CTDSPL: variants seen among roughly 807,000 people sequenced by gnomAD.
CTDSPL encodes CTD small phosphatase-like protein.
A neutral mutation model predicts 30.5 loss-of-function variants in CTDSPL; 8 were observed. The observed-to-expected ratio is 0.26, with a 90% CI of 0.15 to 0.47. CTDSPL has a LOEUF of 0.47. Among genes scored for constraint, CTDSPL ranks in the 20% least tolerant of loss-of-function variants. CTDSPL has a pLI of 0.99. For missense variants in CTDSPL, 248 were observed against 366.1 expected (o/e 0.68, Z 2.63); for synonymous variants, 110 against 137.9 (o/e 0.80, Z 1.42).
rs144426042 is a variant in CTDSPL at position 37,898,352 on chromosome 3, G to T, written c.79+36074G>T. On this transcript the variant is annotated intron_variant, in intron 1 of 7. Coordinates refer to ENST00000273179, the MANE Select transcript of CTDSPL (RefSeq NM_001008392.2). ...CATTTTAAGAATACTGTACTGAAAT[G>T]TATGCTTTCTGGCTGTTAGCAGACA... 1.9e-3 allele frequency among the ~76,000 whole-genome samples: 291 copies of T among 152,318 alleles called. 2 individuals are homozygous for T. Among genetic ancestry groups the T allele is most frequent in the African/African-American group, 6.6e-3 (276 of 41,578 alleles).
chr3:37,905,799 T>C (rs1175757103), intron 1 of CTDSPL, among the ~76,000 whole-genome samples: 1 of 152,230 alleles, frequency 6.6e-6, no homozygotes, highest in Non-Finnish European at 1.5e-5. Flanking sequence ...CATGGAGAAG[T>C]AGCTTTGGAA....
intron 1 of CTDSPL, among the ~76,000 whole-genome samples, chr3:37,929,901 A>G (rs936664947): frequency 6.6e-6 from 1 of 152,152 alleles, no homozygotes; most frequent in Non-Finnish European, 1.5e-5. Context: ...TGAGGTCAGG[A>G]GTTCAAGACT....
chr3:37,950,031 G>A (rs116415650), intron 2 of CTDSPL, among the ~76,000 whole-genome samples: 1,975 of 152,358 alleles, frequency 0.013, 14 homozygotes, highest in Non-Finnish European at 0.02. Flanking sequence ...CTGGCGGATC[G>A]CCTTGGAAAG....
chr3:37,893,137 A>T (rs1220687573), intron 1 of CTDSPL, among the ~76,000 whole-genome samples: 1 of 152,180 alleles, frequency 6.6e-6, no homozygotes, highest in Non-Finnish European at 1.5e-5. Context: ...TGACCTTTGG[A>T]GAGTCACTGT....
chr3:37,915,446 C>T (rs1464100672), intron 1 of CTDSPL, among the ~76,000 whole-genome samples: 2 of 152,206 alleles, frequency 1.3e-5, no homozygotes, highest in African/African-American at 2.4e-5. Flanking sequence ...CTCACTACTC[C>T]TTTATCTTTT....
At chr3:37,890,578 TA>T (rs545226259) in intron 1 of CTDSPL, among the ~76,000 whole-genome samples, 323 of 152,272 alleles carry the variant, frequency 2.1e-3, no homozygotes, top group African/African-American at 7.4e-3. Flanking sequence ...TTTGTTTTGA[TA>T]AAAAAGTAAA....
intron 1 of CTDSPL, among the ~76,000 whole-genome samples, chr3:37,925,884 T>G (rs2125612664): frequency 6.6e-6 from 1 of 152,288 alleles, no homozygotes; most frequent in East Asian, 1.9e-4. Flanking sequence ...ACCTCTTCCC[T>G]GCTTTGCTTT....
intron 5 of CTDSPL, among the ~76,000 whole-genome samples, chr3:37,970,842 A>T (rs1263306957): frequency 6.6e-6 from 1 of 152,214 alleles, no homozygotes; most frequent in African/African-American, 2.4e-5. Flanking sequence ...TTATGGTGTC[A>T]TAGACAGCTT....
chr3:37,911,279 T>A (rs532640582), intron 1 of CTDSPL, among the ~76,000 whole-genome samples: 25 of 152,190 alleles, frequency 1.6e-4, no homozygotes, highest in Admixed American at 2.0e-4. Context: ...GTGACCGAGC[T>A]CTAAGTTAAG....
At chr3:37,890,622 A>G (rs1698314065) in intron 1 of CTDSPL, among the ~76,000 whole-genome samples, 1 of 152,202 alleles carries the variant, frequency 6.6e-6, no homozygotes, top group African/African-American at 2.4e-5. Context: ...AGAAAACTCA[A>G]ACCAGTATCA....
At chr3:37,878,086 C>T (rs1698159257) in intron 1 of CTDSPL, among the ~76,000 whole-genome samples, 2 of 152,192 alleles carry the variant, frequency 1.3e-5, no homozygotes, top group African/African-American at 4.8e-5. Context: ...CCTCATCACA[C>T]TTGTTATCTT....
chr3:37,940,036 G>A (rs969580402), intron 1 of CTDSPL, among the ~76,000 whole-genome samples: 8 of 149,842 alleles, frequency 5.3e-5, no homozygotes, highest in Non-Finnish European at 9.0e-5. Flanking sequence ...AGGTTGCAGT[G>A]TGCCGAGATC....
At chr3:37,908,049 C>T (rs2125604334) in intron 1 of CTDSPL, among the ~76,000 whole-genome samples, 1 of 152,318 alleles carries the variant, frequency 6.6e-6, no homozygotes, top group South Asian at 2.1e-4. Flanking sequence ...GCATGGGCTT[C>T]CCCATAACCC....
In CTDSPL at chr3:37,952,686, A is replaced by G. The variant is rs181110726; in HGVS notation, c.235-4425A>G. Among the ~76,000 whole-genome samples the G allele has an allele frequency of 3.9e-5, 6 of 152,368 alleles. No individual in the cohort carries two copies. In the East Asian group the frequency reaches 1.2e-3, roughly 29 times the overall value. On this transcript the variant is annotated intron_variant, in intron 2 of 7. Transcript: ENST00000273179. The stretch of plus-strand genomic sequence containing the variant: ...GCATACAGTTGACTTAGTCAAACCA[A>G]TTGGGTATAGCCATTTGTCACATGG...
At chr3:37,966,401 C>T (rs544042342) in intron 4 of CTDSPL, among the ~76,000 whole-genome samples, 2 of 152,192 alleles carry the variant, frequency 1.3e-5, no homozygotes, top group East Asian at 3.8e-4. Context: ...AAGTGAAGAA[C>T]CCTAGCTGTA....
At chr3:37,968,152 C>A in intron 5 of CTDSPL, 1 of 450,684 alleles carries the variant, frequency 2.2e-6, no homozygotes, top group Admixed American at 3.8e-5. Flanking sequence ...TCCGTATCCC[C>A]CACTGGCCTA....
intron 2 of CTDSPL, 102 bp downstream of exon 2, chr3:37,947,313 G>A (rs1400087287): frequency 3.3e-5 from 45 of 1,374,210 alleles, no homozygotes; most frequent in East Asian, 1.9e-4. Flanking sequence ...AGAGCCAGGC[G>A]TGGTGGCTCA....
intron 1 of CTDSPL, among the ~76,000 whole-genome samples, chr3:37,871,504 G>A (rs1272478955): frequency 1.3e-5 from 2 of 152,228 alleles, no homozygotes; most frequent in African/African-American, 4.8e-5. Flanking sequence ...TATGGTAAGA[G>A]TATTTTGTTG....
At chr3:37,876,035 G>C (rs909958727) in intron 1 of CTDSPL, among the ~76,000 whole-genome samples, 35 of 151,954 alleles carry the variant, frequency 2.3e-4, no homozygotes, top group African/African-American at 8.0e-4. Flanking sequence ...TGGGGCCCAG[G>C]AGTTAGAGAC....
Sources: gnomAD v4.1 joint callset for allele counts (sites outside exome capture counted in the v4.1 genomes callset) on GRCh38, gnomAD v4.1.1 for gene constraint, MANE v1.5 for transcripts, NCBI Gene and HGNC (gene_info 2026-07-23, HGNC 2026-07-21) for gene names.